The following MACROD2 variants were observed in gnomAD, a reference collection of about 807,000 sequenced individuals.
The protein encoded by MACROD2 is mono-ADP ribosylhydrolase 2, also known as ADP-ribose glycohydrolase MACROD2.
A neutral mutation model predicts 70.4 loss-of-function variants in MACROD2; 36 were observed. The ratio of observed to expected loss-of-function variants is 0.51; its 90% CI spans 0.39 to 0.68. The LOEUF (loss-of-function observed/expected upper bound fraction) is 0.68. Among genes scored for constraint, MACROD2 ranks in the 30% least tolerant of loss-of-function variants. The pLI, the probability that MACROD2 is intolerant of heterozygous loss-of-function variation, is 0.00. For synonymous variants in MACROD2, 172 were observed against 178.8 expected, an observed-to-expected ratio of 0.96 and a Z score of 0.30; for missense variants, 496 against 538.4, an observed-to-expected ratio of 0.92 and a Z score of 0.78.
intron 3 of MACROD2, chr20:14,327,226 C>T: frequency 6.2e-7 from 1 of 1,613,644 alleles, no homozygotes; most frequent in African/African-American, 1.3e-5. Flanking sequence ...TTCATCTAAA[C>T]TGTTGTGGTA....
chr20:15,615,342 C>A (rs1369154553), intron 8 of MACROD2, among the ~76,000 whole-genome samples: 2 of 152,136 alleles, frequency 1.3e-5, no homozygotes, highest in Non-Finnish European at 2.9e-5. Flanking sequence ...AGATGAAAAA[C>A]CATTTCCAGG....
At chr20:16,046,675 C>CTTTTTTTTTTTTTTTTTT (rs557907668) in intron 17 of MACROD2, among the ~76,000 whole-genome samples, 1 of 85,500 alleles carries the variant, frequency 1.2e-5, no homozygotes, top group African/African-American at 4.9e-5. Flanking sequence ...GGTGTCAAAA[C>CTTTTTTTTTTTTTTTTTT]TTTTTTTTTT....
intron 4 of MACROD2, among the ~76,000 whole-genome samples, chr20:14,592,929 G>C (rs1600428172): frequency 6.6e-6 from 1 of 152,060 alleles, no homozygotes; most frequent in East Asian, 1.9e-4. Context: ...TAAGTTTCAG[G>C]TAAATGGTGG....
chr20:14,635,086 C>T lies in MACROD2; in HGVS notation c.302-49757C>T, dbSNP rs550748422. Among the ~76,000 whole-genome samples the T allele has an allele frequency of 1.3e-4, 20 of 152,232 alleles. No individual in the cohort carries two copies. In the South Asian group the frequency reaches 3.5e-3, roughly 27 times the overall value. On this transcript the variant is annotated intron_variant, in intron 4 of 17. Transcript: ENST00000684519. Reference sequence around the variant, plus strand: ...TGGTGTGGCCTGTGTCTTCAAGGAGCGGTGTCCCTATAGTTGTCAGAAAGA... The same window carrying T: ...TGGTGTGGCCTGTGTCTTCAAGGAGTGGTGTCCCTATAGTTGTCAGAAAGA...
chr20:15,385,524 C>T (rs1344577054), intron 6 of MACROD2, among the ~76,000 whole-genome samples: 1 of 152,060 alleles, frequency 6.6e-6, no homozygotes, highest in Non-Finnish European at 1.5e-5. Context: ...TGTTTATTTC[C>T]CTACATCTGT....
chr20:15,521,897 A>G (rs1386705138), intron 8 of MACROD2, among the ~76,000 whole-genome samples: 1 of 152,238 alleles, frequency 6.6e-6, no homozygotes, highest in Non-Finnish European at 1.5e-5. Flanking sequence ...GTCAGTTCGT[A>G]TGCAGCTTAA....
At chr20:14,751,158 G>C (rs1317494465) in intron 5 of MACROD2, among the ~76,000 whole-genome samples, 1 of 152,124 alleles carries the variant, frequency 6.6e-6, no homozygotes, top group Non-Finnish European at 1.5e-5. Flanking sequence ...GGTGGAGAGC[G>C]CTCATGAGCC....
intron 7 of MACROD2, among the ~76,000 whole-genome samples, chr20:15,450,011 TATAAAA>T (rs766370501): frequency 5.9e-5 from 9 of 151,950 alleles, no homozygotes; most frequent in Non-Finnish European, 1.2e-4. Flanking sequence ...TAAATAAACA[TATAAAA>T]ATAAAATAAA....
At chr20:15,687,996 C>T (rs1057065716) in intron 8 of MACROD2, among the ~76,000 whole-genome samples, 29 of 152,148 alleles carry the variant, frequency 1.9e-4, no homozygotes, top group African/African-American at 6.3e-4. Context: ...GAAATTTCAG[C>T]AAGAATTTCC....
chr20:15,272,881 C>T (rs1182174722), intron 6 of MACROD2, among the ~76,000 whole-genome samples: 1 of 152,222 alleles, frequency 6.6e-6, no homozygotes, highest in Non-Finnish European at 1.5e-5. Context: ...ATGCCCCTTT[C>T]CATTGGCTCC....
chr20:15,094,062 G>A (rs1006355238), intron 5 of MACROD2, among the ~76,000 whole-genome samples: 10 of 152,018 alleles, frequency 6.6e-5, no homozygotes, highest in African/African-American at 2.4e-4. Flanking sequence ...AGTGAGTATC[G>A]TATATGTCAA....
chr20:14,387,651 A>C (rs921204528), intron 3 of MACROD2, among the ~76,000 whole-genome samples: 4 of 152,260 alleles, frequency 2.6e-5, no homozygotes, highest in African/African-American at 9.6e-5. Context: ...CTTATTGTCC[A>C]CTCTAGCACC....
chr20:14,364,142 C>A lies in MACROD2; in HGVS notation c.272-129337C>A, dbSNP rs146143810. 3.8e-3 allele frequency among the ~76,000 whole-genome samples: 578 copies of A among 152,262 alleles called. 6 individuals are homozygous for A. The highest frequency in any genetic ancestry group is 0.014 in the African/African-American group (564 of 41,562). On this transcript the variant is annotated intron_variant, in intron 3 of 17. Transcript: ENST00000684519. ...TCTTACTCCTGTTTGCTGATCTTTTCCTTTTTTCTCATAAACACAGTAAGA... is the reference window on the plus strand; with the variant it reads ...TCTTACTCCTGTTTGCTGATCTTTTACTTTTTTCTCATAAACACAGTAAGA...
intron 8 of MACROD2, among the ~76,000 whole-genome samples, chr20:15,796,128 C>T (rs2063671550): frequency 6.6e-6 from 1 of 152,106 alleles, no homozygotes; most frequent in Non-Finnish European, 1.5e-5. Context: ...GAAATGGACG[C>T]AGGTATTAAT....
intron 5 of MACROD2, among the ~76,000 whole-genome samples, chr20:15,040,853 C>A (rs1000187395): frequency 6.6e-6 from 1 of 152,180 alleles, no homozygotes; most frequent in African/African-American, 2.4e-5. Context: ...TTAACATTCT[C>A]ATTCAATTAT....
intron 3 of MACROD2, among the ~76,000 whole-genome samples, chr20:14,313,781 C>G (rs1036991188): frequency 6.6e-6 from 1 of 152,166 alleles, no homozygotes; most frequent in African/African-American, 2.4e-5. Context: ...ATAAGAATGT[C>G]TTGTGTAAAC....
chr20:15,053,564 G>A (rs1242161406), intron 5 of MACROD2, among the ~76,000 whole-genome samples: 1 of 151,564 alleles, frequency 6.6e-6, no homozygotes, highest in Admixed American at 6.6e-5. Context: ...ACCTACTGCT[G>A]ATTAAAAAAA....
intron 3 of MACROD2, among the ~76,000 whole-genome samples, chr20:14,164,795 G>T (rs180697679): frequency 1.3e-5 from 2 of 152,228 alleles, no homozygotes; most frequent in East Asian, 1.9e-4. Flanking sequence ...GGGGTTTGAC[G>T]CATCTGTACT....
chr20:15,344,539 G>T (rs55774722), intron 6 of MACROD2, among the ~76,000 whole-genome samples: 25,793 of 152,012 alleles, frequency 0.17, 2,530 homozygotes, highest in Non-Finnish European at 0.23. Context: ...GAGCTCTGAG[G>T]CCCAGTTTTT....
Sources: gnomAD v4.1 joint callset for allele counts (sites outside exome capture counted in the v4.1 genomes callset) on GRCh38, gnomAD v4.1.1 for gene constraint, MANE v1.5 for transcripts, NCBI Gene and HGNC (gene_info 2026-07-23, HGNC 2026-07-21) for gene names.